The following MTOR variants were observed in gnomAD, a reference collection of about 807,000 sequenced individuals.
MTOR encodes serine/threonine-protein kinase mTOR.
MTOR carries 70 observed loss-of-function variants against 319.8 expected under a neutral mutation model. The observed-to-expected ratio is 0.22, with a 90% CI of 0.18 to 0.27. The LOEUF (loss-of-function observed/expected upper bound fraction) is 0.27. Ranked by LOEUF, MTOR falls within the 10% of genes least tolerant of loss-of-function variation. The pLI is 1.00. For missense variants in MTOR, 1,890 were observed against 3,274.4 expected, an observed-to-expected ratio of 0.58 and a Z score of 10.32; for synonymous variants, 1,183 against 1,211.4, an observed-to-expected ratio of 0.98 and a Z score of 0.49.
chr1:11,249,360 CAA>C (rs1223553149), intron 6 of MTOR, among the ~76,000 whole-genome samples: 1 of 151,092 alleles, frequency 6.6e-6, no homozygotes, highest in African/African-American at 2.4e-5. Flanking sequence ...GTCCTCTCGT[CAA>C]AGTCACCAGT....
At chr1:11,196,837 C>T (rs1326947927) in intron 28 of MTOR, among the ~76,000 whole-genome samples, 1 of 146,960 alleles carries the variant, frequency 6.8e-6, no homozygotes, top group African/African-American at 2.5e-5. Context: ...GGAGACAGAG[C>T]GCGACTCCAT....
chr1:11,247,500 A>G, intron 8 of MTOR, 125 bp downstream of exon 8: 1 of 779,994 alleles, frequency 1.3e-6, no homozygotes, highest in Non-Finnish European at 2.1e-6. Flanking sequence ...GAAATTGGAC[A>G]TGAGACAAAG....
intron 19 of MTOR, among the ~76,000 whole-genome samples, chr1:11,223,143 A>G (rs1214471011): frequency 6.6e-6 from 1 of 151,882 alleles, no homozygotes; most frequent in Non-Finnish European, 1.5e-5. Flanking sequence ...AGGACAAATG[A>G]CCTGGTTTCT....
At chr1:11,180,069 G>A (rs958555771) in intron 28 of MTOR, among the ~76,000 whole-genome samples, 1 of 152,032 alleles carries the variant, frequency 6.6e-6, no homozygotes, top group African/African-American at 2.4e-5. Flanking sequence ...ATGCCATCAT[G>A]CCCCACTAAA....
chr1:11,195,424 C>G (rs1407610593), intron 28 of MTOR: 1 of 163,890 alleles, frequency 6.1e-6, no homozygotes, highest in Non-Finnish European at 1.3e-5. Context: ...TAAAAAGAAC[C>G]ATATTATTTT....
chr1:11,111,215 A>C (rs1641847229), intron 54 of MTOR: 1 of 453,680 alleles, frequency 2.2e-6, no homozygotes, highest in Non-Finnish European at 4.4e-6. Flanking sequence ...GGGGTGGCTC[A>C]TGCCTGTAAT....
rs1172216780 is a variant in MTOR at position 11,121,940 on chromosome 1, C to T, written c.6810+39G>A. 5.0e-6 allele frequency: 8 copies of T among 1,608,304 alleles called. No individual in the cohort carries two copies. The highest frequency in any genetic ancestry group is 3.4e-6 in the Non-Finnish European group (4 of 1,176,206). On this transcript the variant is annotated intron_variant, in intron 48 of 57. Transcript: ENST00000361445. This position sits in a 1 kb window ranked among gnomAD's most constrained non-coding sequence, Gnocchi z 4.9. ...AAGCAGCGCTACGGAGATTCCCTGC[C>T]ACGGAAGGGGCACTAGCTCTCGTGG... is the stretch of plus-strand genomic sequence containing the variant.
rs371099529 is a variant in MTOR, at chr1:11,181,661, G to A, written c.4254-14144C>T. Among the ~76,000 whole-genome samples, 26 of 152,342 alleles carry A rather than the reference G, an allele frequency of 1.7e-4. No homozygotes were observed. In the South Asian group the frequency reaches 5.2e-3, roughly 30 times the overall value. On this transcript the variant is annotated intron_variant, in intron 28 of 57. Coordinates refer to ENST00000361445, the MANE Select transcript of MTOR (RefSeq NM_004958.4). ...ACTGACCCCATGCAGGACAGAATGTGATGCCCTACAGCGAAGACCTCACCA... is the reference window on the plus strand; with the variant it reads ...ACTGACCCCATGCAGGACAGAATGTAATGCCCTACAGCGAAGACCTCACCA...
rs1189367972 is a variant in MTOR at position 11,109,725 on chromosome 1, A to C, written c.7371T>G (p.Ile2457Met). 3 of 1,614,082 alleles carry C rather than the reference A, an allele frequency of 1.9e-6. No homozygotes were observed. The highest frequency in any genetic ancestry group is 2.7e-5 in the African/African-American group (2 of 75,008). ...GCTCTCCAAGTTCCACACCGTCCAA[A>C]ATTTCTATGGGAAAAGAAATCAATT... ...DSYSAGQSVE[I>M]LDGVELGEPA... The change falls in exon 55 of 58, where the codon ATT becomes ATG. Residue 2457 changes from isoleucine (I) to methionine (M), a missense_variant. By Grantham distance (10) the Ile-to-Met change is conservative. This residue lies in a region of MTOR where 49 missense variants were observed against 67.6 expected (regional missense o/e 0.72). Transcript: ENST00000361445. This position sits in a 1 kb window ranked among gnomAD's most constrained non-coding sequence, Gnocchi z 4.0.
intron 28 of MTOR, among the ~76,000 whole-genome samples, chr1:11,174,807 A>G (rs377497810): frequency 3.9e-5 from 6 of 152,200 alleles, no homozygotes; most frequent in African/African-American, 1.4e-4. Context: ...GGTGCCCCTC[A>G]GTCTTTCCCT....
chr1:11,162,413 A>T (rs1399989167), intron 29 of MTOR, among the ~76,000 whole-genome samples: 1 of 152,216 alleles, frequency 6.6e-6, no homozygotes, highest in Non-Finnish European at 1.5e-5. Context: ...GCCAACATTC[A>T]AATTCAGGAA....
At chr1:11,242,314 A>C (rs999630047) in intron 9 of MTOR, among the ~76,000 whole-genome samples, 2 of 152,144 alleles carry the variant, frequency 1.3e-5, no homozygotes, top group African/African-American at 4.8e-5. Flanking sequence ...GCCCGGCCAA[A>C]ATGGTGAAAA....
In MTOR at chr1:11,128,145, A is replaced by C; in HGVS notation, c.5911-19T>G. 1 of 1,613,018 alleles carries C rather than the reference A, an allele frequency of 6.2e-7. No individual in the cohort carries two copies. The stretch of plus-strand genomic sequence containing the variant: ...TGAGGGCCTGAGGGAAAAACAGAAG[A>C]AACATCTATAAAGGAAATGTGGGTT... On this transcript the variant is annotated intron_variant, in intron 42 of 57. Coordinates refer to ENST00000361445, the MANE Select transcript of MTOR (RefSeq NM_004958.4). This position sits in a 1 kb window ranked among gnomAD's most constrained non-coding sequence, Gnocchi z 5.3.
chr1:11,148,822 C>T (rs1644034859), intron 31 of MTOR, among the ~76,000 whole-genome samples: 1 of 151,794 alleles, frequency 6.6e-6, no homozygotes, highest in Non-Finnish European at 1.5e-5. Flanking sequence ...TGCTTGAACC[C>T]GGGAGGCGGA....
chr1:11,112,407 G>GA (rs1170081848), intron 54 of MTOR, among the ~76,000 whole-genome samples: 1 of 152,176 alleles, frequency 6.6e-6, no homozygotes, highest in Non-Finnish European at 1.5e-5. Context: ...CTCCATGTGT[G>GA]AAACAGTAAA....
rs1373796179 is a variant in MTOR at position 11,256,356 on chromosome 1, AT to A, written c.505-165del. The A allele has an allele frequency of 2.7e-5, 26 of 978,076 alleles. No individual in the cohort carries two copies. In the African/African-American group the frequency reaches 4.4e-4, roughly 16 times the overall value. 60.6% of individuals were successfully genotyped at this position (978,076 alleles called of 1,614,324 possible). A position where few individuals can be genotyped will look rare whatever the true frequency, so the allele number is the denominator to read the frequency against. On this transcript the variant is annotated intron_variant, in intron 4 of 57. Coordinates refer to ENST00000361445, the MANE Select transcript of MTOR (RefSeq NM_004958.4). ...GGACAGAGGAAGGAAAGCAAAATTG[AT>A]TAAACATCTCAGTGCTCATTATCCT... is the stretch of plus-strand genomic sequence containing the variant.
intron 28 of MTOR, among the ~76,000 whole-genome samples, chr1:11,174,899 AC>A (rs1644935067): frequency 6.6e-6 from 1 of 152,228 alleles, no homozygotes; most frequent in South Asian, 2.1e-4. Flanking sequence ...CACAAACCAG[AC>A]CCTGCTGATG....
intron 36 of MTOR, among the ~76,000 whole-genome samples, chr1:11,136,275 C>T (rs1390975405): frequency 6.6e-6 from 1 of 152,116 alleles, no homozygotes; most frequent in Non-Finnish European, 1.5e-5. Flanking sequence ...CTGGGTTAAC[C>T]CAGAGCCAGA....
rs1642130217 is a variant in MTOR at position 11,115,718 on chromosome 1, C to T, written c.7017-250G>A. ...CTAGTTGTGACAGAGACCAAAGGGC[C>T]CACAAAGCCTAAAACGACCTATTAA... On this transcript the variant is annotated intron_variant, in intron 50 of 57. Coordinates refer to ENST00000361445, the MANE Select transcript of MTOR (RefSeq NM_004958.4). This position sits in a 1 kb window ranked among gnomAD's most constrained non-coding sequence, Gnocchi z 4.5. 4.3e-6 allele frequency: 2 copies of T among 461,708 alleles called. No individual in the cohort carries two copies. The highest frequency in any genetic ancestry group is 1.9e-5 in the African/African-American group (1 of 51,434). The allele number at this position is 461,708 out of a possible 1,614,324, so 28.6% of individuals were successfully genotyped here. A position where few individuals can be genotyped will look rare whatever the true frequency, so the allele number is the denominator to read the frequency against.
Sources: allele counts gnomAD v4.1 joint callset (sites outside exome capture counted in the v4.1 genomes callset), GRCh38; gene constraint gnomAD v4.1.1; regional missense constraint gnomAD v4.1.1; non-coding constraint Gnocchi (gnomAD v3.1); transcripts MANE v1.5; gene names NCBI Gene and HGNC (gene_info 2026-07-23, HGNC 2026-07-21).